Variants in CFAP97 observed in about 807,000 individuals in gnomAD.
CFAP97 encodes cilia and flagella associated protein 97.
Under a neutral mutation model 43.1 loss-of-function variants are expected in CFAP97, and 36 were observed. The ratio of observed to expected loss-of-function variants is 0.84; its 90% CI spans 0.64 to 1.10. The LOEUF is 1.10. Ranked by LOEUF, CFAP97 falls within the 50% of genes least tolerant of loss-of-function variation. The pLI, the probability that CFAP97 is intolerant of heterozygous loss-of-function variation, is 0.00. For missense variants in CFAP97, 657 were observed against 620.3 expected, an observed-to-expected ratio of 1.06 and a Z score of -0.63; for synonymous variants, 228 against 225.7, an observed-to-expected ratio of 1.01 and a Z score of -0.09.
chr4:185,191,668 A>G (rs932624908), intron 1 of CFAP97, among the ~76,000 whole-genome samples: 1 of 152,178 alleles, frequency 6.6e-6, no homozygotes, highest in Non-Finnish European at 1.5e-5. Context: ...CGTCTCTACT[A>G]AAAATACAAA....
At chr4:185,166,360 G>A (rs1398426613) in intron 3 of CFAP97, among the ~76,000 whole-genome samples, 1 of 152,180 alleles carries the variant, frequency 6.6e-6, no homozygotes. Context: ...TACCAGCAGA[G>A]TGCATTTGCT....
chr4:185,206,619 A>G (rs1190447238), upstream of CFAP97, among the ~76,000 whole-genome samples: 2 of 138,954 alleles, frequency 1.4e-5, no homozygotes, highest in African/African-American at 2.7e-5. Context: ...AGATTGCGCC[A>G]TTGCACTCCA....
Position 185,190,697 on chromosome 4 carries a change from CAATACTTTT to C in CFAP97, c.491_499del (p.Lys164_Cys167delinsSer). ...GGAGGAGGAAGAGGAGCTAACTTTG[CAATACTTTT>C]TCCTTATGCTTTTTTTAACGTTAGT... is the stretch of plus-strand genomic sequence containing the variant. On this transcript the variant is annotated inframe_deletion, in exon 2 of 5. Coordinates refer to ENST00000458385, the MANE Select transcript of CFAP97 (RefSeq NM_020827.3). 1 of 1,569,736 alleles carries C rather than the reference CAATACTTTT, an allele frequency of 6.4e-7. No homozygotes were observed.
In CFAP97 at chr4:185,193,377, G is replaced by C. The variant is rs116346576; in HGVS notation, c.-16-2165C>G. On this transcript the variant is annotated intron_variant, in intron 1 of 4. Coordinates refer to ENST00000458385, the MANE Select transcript of CFAP97 (RefSeq NM_020827.3). The stretch of plus-strand genomic sequence containing the variant: ...ATAAAACAGCAAAAGGCCAGGCACG[G>C]TGGCTCATGCTGTAATCCCAGCACT... 5.0e-3 allele frequency among the ~76,000 whole-genome samples: 761 copies of C among 152,326 alleles called. 8 individuals are homozygous for C. Among genetic ancestry groups the C allele is most frequent in the African/African-American group, 0.017 (714 of 41,564 alleles).
chr4:185,166,151 C>T (rs1735060883), intron 3 of CFAP97, among the ~76,000 whole-genome samples: 1 of 152,154 alleles, frequency 6.6e-6, no homozygotes, highest in African/African-American at 2.4e-5. Context: ...TAGTGGTTCC[C>T]TTTGCTGAGC....
At position 185,162,616 on chromosome 4, in the gene CFAP97, C is replaced by T. The variant is rs1385457409; in HGVS notation, c.*182G>A. On this transcript the variant is annotated 3_prime_UTR_variant, in exon 5 of 5. Coordinates refer to ENST00000458385, the MANE Select transcript of CFAP97 (RefSeq NM_020827.3). ...CATATAAATACATCCTCAGGAAACA[C>T]TTTTTACATTAAATCGTTTTTTGAC... The T allele has an allele frequency of 1.6e-6, 1 of 636,060 alleles. No homozygotes were observed. Among genetic ancestry groups the T allele is most frequent in the Non-Finnish European group, 2.6e-6 (1 of 377,888 alleles). The allele number at this position is 636,060 out of a possible 1,614,324, so 39.4% of individuals were successfully genotyped here.
intron 2 of CFAP97, among the ~76,000 whole-genome samples, chr4:185,184,180 T>C (rs898855891): frequency 6.6e-5 from 10 of 152,142 alleles, no homozygotes; most frequent in African/African-American, 2.4e-4. Flanking sequence ...CCGATTTAGC[T>C]CTTACCTTAG....
chr4:185,179,375 T>G (rs2111354066), intron 2 of CFAP97, among the ~76,000 whole-genome samples: 1 of 152,066 alleles, frequency 6.6e-6, no homozygotes, highest in South Asian at 2.1e-4. Context: ...GAAGTAGAGG[T>G]TTATGCCCTT....
chr4:185,183,461 A>C (rs1379367928), intron 2 of CFAP97, among the ~76,000 whole-genome samples: 1 of 152,244 alleles, frequency 6.6e-6, no homozygotes, highest in African/African-American at 2.4e-5. Context: ...TATTTAGTGT[A>C]AGTTAGAAGT....
At chr4:185,195,146 A>G (rs1036178326) in intron 1 of CFAP97, among the ~76,000 whole-genome samples, 2 of 151,916 alleles carry the variant, frequency 1.3e-5, no homozygotes, top group African/African-American at 4.8e-5. Flanking sequence ...TCTGCCAAAA[A>G]GGATACACTG....
At chr4:185,201,905 C>A (rs1055457103) in intron 1 of CFAP97, among the ~76,000 whole-genome samples, 4 of 152,188 alleles carry the variant, frequency 2.6e-5, no homozygotes, top group Non-Finnish European at 5.9e-5. Flanking sequence ...ACTTTCTGGC[C>A]TATCCACTTC....
At chr4:185,195,723 G>T (rs142599894) in intron 1 of CFAP97, among the ~76,000 whole-genome samples, 277 of 152,228 alleles carry the variant, frequency 1.8e-3, no homozygotes, top group African/African-American at 6.1e-3. Context: ...CATCACAAAC[G>T]TAAAGACTAT....
Position 185,162,055 on chromosome 4 carries a change from C to T in CFAP97, c.*743G>A, listed in dbSNP as rs1487861717. ...ACGAGTTAGAAGACTAGCTCTAAAA[C>T]CTACCTCATTTCTAAGAGTCATAAA... is the stretch of plus-strand genomic sequence containing the variant. On this transcript the variant is annotated 3_prime_UTR_variant, in exon 5 of 5. Transcript: ENST00000458385. 1 of 152,172 alleles carries T rather than the reference C, an allele frequency of 6.6e-6. No individual in the cohort carries two copies. Among genetic ancestry groups the T allele is most frequent in the African/African-American group, 2.4e-5 (1 of 41,442 alleles). 9.4% of individuals were successfully genotyped at this position (152,172 alleles called of 1,614,324 possible). A position where few individuals can be genotyped will look rare whatever the true frequency, so the allele number is the denominator to read the frequency against.
intron 1 of CFAP97, among the ~76,000 whole-genome samples, chr4:185,200,679 A>G (rs1410432673): frequency 6.6e-6 from 1 of 151,248 alleles, no homozygotes; most frequent in Non-Finnish European, 1.5e-5. Context: ...ACGTGCCTGT[A>G]GAGGCTGTGA....
chr4:185,190,846 T>G lies in CFAP97; in HGVS notation c.351A>C (p.Pro117=). ...TTGLKIHVSI[P]NRIPKIVKEG... is the part of the protein sequence containing the mutation. ...CTTTTACAATTTTGGGAATTCTATTTGGAATGGACACGTGTATTTTAAGTC... is the reference window on the plus strand; with the variant it reads ...CTTTTACAATTTTGGGAATTCTATTGGGAATGGACACGTGTATTTTAAGTC... Residue 117 remains proline (P), a synonymous_variant, in exon 2 of 5, where the codon CCA becomes CCC. Coordinates refer to ENST00000458385, the MANE Select transcript of CFAP97 (RefSeq NM_020827.3). 1 of 1,610,920 alleles carries G rather than the reference T, an allele frequency of 6.2e-7. No homozygotes were observed. Among genetic ancestry groups the G allele is most frequent in the Non-Finnish European group, 8.5e-7 (1 of 1,178,214 alleles).
chr4:185,193,005 G>A (rs982723893), intron 1 of CFAP97, among the ~76,000 whole-genome samples: 2 of 152,034 alleles, frequency 1.3e-5, no homozygotes, highest in Non-Finnish European at 2.9e-5. Context: ...CTCCCAAAGT[G>A]CTCAAATTAC....
At chr4:185,182,161 C>T (rs974912148) in intron 2 of CFAP97, 3 of 151,866 alleles carry the variant, frequency 2.0e-5, no homozygotes, top group Non-Finnish European at 4.4e-5. Context: ...TTTACCTATA[C>T]AAAATATGAA....
chr4:185,202,756 C>T (rs1330756449), intron 1 of CFAP97, among the ~76,000 whole-genome samples: 2 of 152,098 alleles, frequency 1.3e-5, no homozygotes, highest in African/African-American at 4.8e-5. Flanking sequence ...TAGTCCGGTG[C>T]CTGTGAGACT....
chr4:185,196,956 G>A (rs1428914958), intron 1 of CFAP97, among the ~76,000 whole-genome samples: 3 of 151,978 alleles, frequency 2.0e-5, no homozygotes, highest in Non-Finnish European at 4.4e-5. Flanking sequence ...AAGATTAGCT[G>A]GGTGTGGTGG....
Sources: allele counts gnomAD v4.1 joint callset (sites outside exome capture counted in the v4.1 genomes callset), GRCh38; gene constraint gnomAD v4.1.1; transcripts MANE v1.5; gene names NCBI Gene and HGNC (gene_info 2026-07-23, HGNC 2026-07-21).